CMSS1: variants seen among roughly 807,000 people sequenced by gnomAD.
The protein encoded by CMSS1 is cms1 ribosomal small subunit homolog, also known as protein CMSS1.
Under a neutral mutation model 43.5 loss-of-function variants are expected in CMSS1, and 33 were observed. That is an observed-to-expected ratio of 0.76 (90% CI 0.57 to 1.01). CMSS1 has a LOEUF of 1.01. Among genes scored for constraint, CMSS1 ranks in the 50% least tolerant of loss-of-function variants. The pLI, the probability that CMSS1 is intolerant of heterozygous loss-of-function variation, is 0.00. For missense variants in CMSS1, 313 were observed against 326.4 expected, an observed-to-expected ratio of 0.96 and a Z score of 0.32; for synonymous variants, 115 against 117.2, an observed-to-expected ratio of 0.98 and a Z score of 0.12.
chr3:99,993,150 T>G (rs1444491955), intron 1 of CMSS1, among the ~76,000 whole-genome samples: 11 of 152,122 alleles, frequency 7.2e-5, no homozygotes, highest in Non-Finnish European at 1.3e-4. Flanking sequence ...TGAGCTTTTT[T>G]TGGGTTTCAT....
intron 1 of CMSS1, among the ~76,000 whole-genome samples, chr3:99,890,387 T>C (rs898806631): frequency 6.6e-6 from 1 of 152,176 alleles, no homozygotes; most frequent in African/African-American, 2.4e-5. Flanking sequence ...GTCTGTAGAT[T>C]AGTGTCTTTC....
rs907060656 is a variant in CMSS1 at position 100,168,556 on chromosome 3, T to C, written c.518+716T>C. 7.3e-4 allele frequency among the ~76,000 whole-genome samples: 111 copies of C among 152,104 alleles called. 1 individual carries two copies. Among genetic ancestry groups the C allele is most frequent in the African/African-American group, 2.5e-3 (105 of 41,504 alleles). On this transcript the variant is annotated intron_variant, in intron 6 of 9. Transcript: ENST00000421999. ...TATAAAAAGAAAAGATAGAATACCATGGAATATACTTACCAAAACTTATGT... is the reference window on the plus strand; with the variant it reads ...TATAAAAAGAAAAGATAGAATACCACGGAATATACTTACCAAAACTTATGT...
chr3:99,975,540 C>T (rs1027690436), intron 1 of CMSS1, among the ~76,000 whole-genome samples: 2 of 151,446 alleles, frequency 1.3e-5, no homozygotes, highest in Middle Eastern at 3.4e-3. Context: ...TGCAGTGAGC[C>T]GAGGTCACAC....
intron 1 of CMSS1, chr3:99,850,323 T>G: frequency 6.2e-7 from 1 of 1,613,118 alleles, no homozygotes; most frequent in Non-Finnish European, 8.5e-7. Context: ...TGGTCATCCT[T>G]TCTTTTTCTA....
intron 1 of CMSS1, among the ~76,000 whole-genome samples, chr3:100,062,514 A>T (rs1026114094): frequency 6.6e-6 from 1 of 152,000 alleles, no homozygotes; most frequent in Non-Finnish European, 1.5e-5. Flanking sequence ...CCAGTCCCTC[A>T]TACGGGGGTC....
At position 100,176,417 on chromosome 3, in the gene CMSS1, T is replaced by G; in HGVS notation, c.756+2T>G. The G allele has an allele frequency of 6.2e-7, 1 of 1,603,054 alleles. No individual in the cohort carries two copies. The highest frequency in any genetic ancestry group is 8.5e-7 in the Non-Finnish European group (1 of 1,170,280). On this transcript the variant is annotated splice_donor_variant, in intron 9 of 9. Transcript: ENST00000421999. LOFTEE classifies it high-confidence loss of function. Reference sequence around the variant, plus strand: ...AGGAGAATGATGGACATTCCCGAGGTACCACGTAACCAGCAGTTGCCTTTA... The same window carrying G: ...AGGAGAATGATGGACATTCCCGAGGGACCACGTAACCAGCAGTTGCCTTTA...
intron 1 of CMSS1, among the ~76,000 whole-genome samples, chr3:99,819,747 T>G (rs1026546501): frequency 6.8e-6 from 1 of 147,892 alleles, no homozygotes; most frequent in African/African-American, 2.5e-5. Context: ...CAACCAACAG[T>G]TTTTTTTTTC....
At chr3:100,063,768 C>T (rs1036044370) in intron 1 of CMSS1, among the ~76,000 whole-genome samples, 2 of 152,164 alleles carry the variant, frequency 1.3e-5, no homozygotes, top group Non-Finnish European at 2.9e-5. Flanking sequence ...CATATCAAAA[C>T]TCTGGACTTC....
rs1483037483 is a variant in CMSS1, at chr3:100,066,676, C to T, written c.65-80297C>T. The stretch of plus-strand genomic sequence containing the variant: ...CCTCCCAAGTAGCTGGGACTACAGG[C>T]GCCCGCCACTACGCCCGGCTAATTT... On this transcript the variant is annotated intron_variant, in intron 1 of 9. Coordinates refer to ENST00000421999, the MANE Select transcript of CMSS1 (RefSeq NM_032359.4). Among the ~76,000 whole-genome samples the T allele has an allele frequency of 3.1e-5, 4 of 130,846 alleles. 1 individual carries two copies. The highest frequency in any genetic ancestry group is 5.0e-5 in the Non-Finnish European group (3 of 59,422). The allele number at this position is 130,846 out of a possible 152,430, so 85.8% of individuals were successfully genotyped here.
At chr3:100,115,397 A>G (rs2066550449) in intron 1 of CMSS1, among the ~76,000 whole-genome samples, 4 of 152,176 alleles carry the variant, frequency 2.6e-5, no homozygotes, top group Admixed American at 2.6e-4. Flanking sequence ...AATCTGAGTT[A>G]CTCCAAAGCC....
intron 1 of CMSS1, among the ~76,000 whole-genome samples, chr3:99,978,302 G>T (rs1461217360): frequency 6.6e-6 from 1 of 151,252 alleles, no homozygotes; most frequent in East Asian, 2.0e-4. Context: ...CAAGGGAAAA[G>T]AAATCAATAT....
chr3:99,873,887 C>A (rs1164051032), intron 1 of CMSS1, among the ~76,000 whole-genome samples: 1 of 152,144 alleles, frequency 6.6e-6, no homozygotes, highest in Admixed American at 6.5e-5. Context: ...TGCAAATGAA[C>A]TTACTAAGCA....
At chr3:99,863,190 A>G (rs2107560847) in intron 1 of CMSS1, among the ~76,000 whole-genome samples, 1 of 152,260 alleles carries the variant, frequency 6.6e-6, no homozygotes, top group Non-Finnish European at 1.5e-5. Flanking sequence ...AGATTCTCAT[A>G]AGGAGCATGC....
At chr3:100,172,040 TA>T in intron 7 of CMSS1, 141 bp downstream of exon 7, 2 of 713,996 alleles carry the variant, frequency 2.8e-6, no homozygotes, top group Admixed American at 2.8e-5. Context: ...TCTGGTTTTT[TA>T]AATTCTATGC....
intron 1 of CMSS1, among the ~76,000 whole-genome samples, chr3:99,939,753 T>C: frequency 6.6e-6 from 1 of 152,224 alleles, no homozygotes; most frequent in Non-Finnish European, 1.5e-5. Context: ...CACATGCATG[T>C]TTCTTGATAC....
At position 99,988,059 on chromosome 3, in the gene CMSS1, A is replaced by C. The variant is rs1217244481; in HGVS notation, c.65-158914A>C. On this transcript the variant is annotated intron_variant, in intron 1 of 9. Transcript: ENST00000421999. ...AAATGTAAGGTTAAGCTGTAATTTC[A>C]TTGCTTGTCAATACATACTTCTTAA... Among the ~76,000 whole-genome samples, 4 of 152,286 alleles carry C rather than the reference A, an allele frequency of 2.6e-5. No individual in the cohort carries two copies. In the East Asian group the frequency reaches 7.7e-4, roughly 29 times the overall value.
intron 1 of CMSS1, among the ~76,000 whole-genome samples, chr3:99,873,758 AT>A (rs1429610917): frequency 6.6e-6 from 1 of 152,230 alleles, no homozygotes; most frequent in Non-Finnish European, 1.5e-5. Context: ...GAACCGGAAA[AT>A]TAAGTCAAGG....
chr3:99,953,579 G>A (rs909676222), intron 1 of CMSS1, among the ~76,000 whole-genome samples: 1 of 152,154 alleles, frequency 6.6e-6, no homozygotes, highest in Non-Finnish European at 1.5e-5. Flanking sequence ...CATTTTTAAA[G>A]AATTCAATAA....
intron 1 of CMSS1, among the ~76,000 whole-genome samples, chr3:99,984,219 T>G (rs1464980475): frequency 6.6e-6 from 1 of 152,180 alleles, no homozygotes; most frequent in African/African-American, 2.4e-5. Flanking sequence ...CAAAACTGCA[T>G]TCTTTGAGTA....
Sources: allele counts gnomAD v4.1 joint callset (sites outside exome capture counted in the v4.1 genomes callset), GRCh38; gene constraint gnomAD v4.1.1; transcripts MANE v1.5; gene names NCBI Gene and HGNC (gene_info 2026-07-23, HGNC 2026-07-21).